Variants in SLC35H1 observed in about 807,000 individuals in gnomAD.
SLC35H1 encodes the protein ovarian cancer-overexpressed gene 1 protein.
At chr20:46,346,146 C>T in the SLC35H1 span, 1 of 152,138 alleles carries the variant, frequency 6.6e-6, no homozygotes, top group Non-Finnish European at 1.5e-5. Context: ...GGAGAGTTCT[C>T]ATCTGACATC....
At chr20:46,355,260 G>A in the SLC35H1 span, 5 of 1,605,828 alleles carry the variant, frequency 3.1e-6, no homozygotes, top group Non-Finnish European at 4.3e-6. The surrounding 1 kb of genome is among the most constrained non-coding windows in gnomAD (Gnocchi z 4.8). Context: ...ATGGGGAGCA[G>A]TGGCAGCTAA....
the SLC35H1 span, chr20:46,356,512 C>G: frequency 6.4e-7 from 1 of 1,565,910 alleles, no homozygotes. Context: ...GTGCAGACAC[C>G]CCGCTGGACA....
At chr20:46,354,539 A>C in the SLC35H1 span, among the ~76,000 whole-genome samples, 1 of 152,124 alleles carries the variant, frequency 6.6e-6, no homozygotes, top group Admixed American at 6.5e-5. Flanking sequence ...AGTTATCTTT[A>C]CTTCTCTGGG....
At chr20:46,358,520 A>C in the SLC35H1 span, 2 of 1,614,186 alleles carry the variant, frequency 1.2e-6, no homozygotes, top group Admixed American at 1.7e-5. Flanking sequence ...TGGCGGCTGC[A>C]GCACCGGAGC....
chr20:46,346,239 C>T, the SLC35H1 span: 2 of 152,070 alleles, frequency 1.3e-5, no homozygotes, highest in Non-Finnish European at 2.9e-5. Context: ...TAGTTGCCAA[C>T]GAAACTAAAT....
chr20:46,350,252 T>G, the SLC35H1 span: 2 of 996,018 alleles, frequency 2.0e-6, no homozygotes, highest in African/African-American at 3.2e-5. Context: ...GCAAAAGTCA[T>G]GAGTCCCTGG....
chr20:46,349,030 T>C, the SLC35H1 span: 1 of 152,240 alleles, frequency 6.6e-6, no homozygotes, highest in African/African-American at 2.4e-5. Flanking sequence ...GAAACAATTT[T>C]AGAACAAGCC....
the SLC35H1 span, chr20:46,356,460 G>A: frequency 1.9e-6 from 2 of 1,029,490 alleles, no homozygotes; most frequent in Admixed American, 1.9e-5. Context: ...GAGAGCAAGG[G>A]CTGGTCCCAG....
At chr20:46,357,524 G>A in the SLC35H1 span, 2 of 1,388,220 alleles carry the variant, frequency 1.4e-6, no homozygotes, top group Non-Finnish European at 2.0e-6. Context: ...GAAGAGGGGA[G>A]GGACTTGGCT....
the SLC35H1 span, chr20:46,350,286 C>A: frequency 7.2e-7 from 1 of 1,396,878 alleles, no homozygotes; most frequent in Non-Finnish European, 9.7e-7. Flanking sequence ...CCTGGTGACT[C>A]CCGTCCACAG....
chr20:46,358,655 C>T, the SLC35H1 span: 9 of 1,553,286 alleles, frequency 5.8e-6, no homozygotes, highest in Admixed American at 2.0e-5. Context: ...CTCCATGATT[C>T]GGAACCATCA....
At chr20:46,362,260 G>C in the SLC35H1 span, among the ~76,000 whole-genome samples, 1 of 152,150 alleles carries the variant, frequency 6.6e-6, no homozygotes. Context: ...AGGGAAACAA[G>C]ATTTAAAGGA....
the SLC35H1 span, chr20:46,351,014 GGGCCCA>G: frequency 7.7e-7 from 1 of 1,299,644 alleles, no homozygotes; most frequent in Non-Finnish European, 1.1e-6. Context: ...CTGAAATCCT[GGGCCCA>G]GGCAGGCAGA....
At chr20:46,354,264 G>A in the SLC35H1 span, among the ~76,000 whole-genome samples, 1 of 152,128 alleles carries the variant, frequency 6.6e-6, no homozygotes, top group African/African-American at 2.4e-5. Context: ...ACATCCCCAG[G>A]TTATATTCCT....
At chr20:46,362,500 G>T in the SLC35H1 span, among the ~76,000 whole-genome samples, 2 of 152,088 alleles carry the variant, frequency 1.3e-5, 1 homozygote, top group Admixed American at 1.3e-4. Context: ...TCAAATCCTG[G>T]TGTCCCTACT....
the SLC35H1 span, chr20:46,350,973 G>A: frequency 2.0e-6 from 3 of 1,537,218 alleles, no homozygotes; most frequent in African/African-American, 4.1e-5. Context: ...GGGGGCACTA[G>A]GTACACTCAG....
At chr20:46,348,541 G>C in the SLC35H1 span, 1 of 152,254 alleles carries the variant, frequency 6.6e-6, no homozygotes, top group Non-Finnish European at 1.5e-5. Context: ...AATCCAAGGG[G>C]GGCAGAGGTG....
chr20:46,355,917 C>G, the SLC35H1 span: 1 of 1,611,114 alleles, frequency 6.2e-7, no homozygotes, highest in Non-Finnish European at 8.5e-7. The surrounding 1 kb of genome is among the most constrained non-coding windows in gnomAD (Gnocchi z 4.8). Flanking sequence ...GAGCTCAGGG[C>G]TCAGACCCAT....
chr20:46,361,500 A>C, the SLC35H1 span, among the ~76,000 whole-genome samples: 5 of 152,188 alleles, frequency 3.3e-5, no homozygotes, highest in African/African-American at 1.2e-4. Flanking sequence ...ATGGGCCTCA[A>C]ACATACGTCT....
Sources: gnomAD v4.1 joint callset for allele counts (sites outside exome capture counted in the v4.1 genomes callset) on GRCh38, gnomAD v4.1.1 for gene constraint, Gnocchi (gnomAD v3.1) non-coding constraint, MANE v1.5 for transcripts, NCBI Gene and HGNC (gene_info 2026-07-23, HGNC 2026-07-21) for gene names.